The following DLG2 variants were observed in gnomAD, a reference collection of about 807,000 sequenced individuals.
The protein encoded by DLG2 is discs large MAGUK scaffold protein 2.
Under a neutral mutation model 132.5 loss-of-function variants are expected in DLG2, and 45 were observed. The ratio of observed to expected loss-of-function variants is 0.34; its 90% CI spans 0.27 to 0.44. The LOEUF (loss-of-function observed/expected upper bound fraction) is 0.44. Ranked by LOEUF, DLG2 falls within the 20% of genes least tolerant of loss-of-function variation. The probability of loss-of-function intolerance (pLI) is 1.00; values close to 1 mark genes in which losing one functional copy is unlikely to be tolerated. For synonymous variants in DLG2, 424 were observed against 419.6 expected, an observed-to-expected ratio of 1.01 and a Z score of -0.13; for missense variants, 1,045 against 1,196.9, an observed-to-expected ratio of 0.87 and a Z score of 1.87.
intron 3 of DLG2, among the ~76,000 whole-genome samples, chr11:85,404,815 C>T (rs2088559956): frequency 6.6e-6 from 1 of 151,942 alleles, no homozygotes; most frequent in Non-Finnish European, 1.5e-5. Context: ...TTAGTGGTCA[C>T]TTTACACATT....
chr11:83,475,274 G>C (rs1327491442), intron 22 of DLG2, among the ~76,000 whole-genome samples: 4 of 152,110 alleles, frequency 2.6e-5, no homozygotes, highest in Admixed American at 1.3e-4. Context: ...CAAAGGGAAA[G>C]AGAAAAAGCC....
At chr11:84,936,756 C>G (rs548521769) in intron 6 of DLG2, 1 of 152,030 alleles carries the variant, frequency 6.6e-6, no homozygotes. Flanking sequence ...GAAATGAGTG[C>G]GGAAAAGCAC....
chr11:85,019,194 C>A lies in DLG2; in HGVS notation c.357+92467G>T, dbSNP rs544361409. ...GAGACAGTTGATGAAAACCATACAT[C>A]CTTTTTATTGTTAAGTCATAAAGAG... is the stretch of plus-strand genomic sequence containing the variant. On this transcript the variant is annotated intron_variant, in intron 6 of 27. Coordinates refer to ENST00000376104, the MANE Select transcript of DLG2 (RefSeq NM_001142699.3). Among the ~76,000 whole-genome samples the A allele has an allele frequency of 7.9e-5, 12 of 152,248 alleles. No individual in the cohort carries two copies. In the South Asian group the frequency reaches 2.3e-3, roughly 29 times the overall value.
At chr11:85,287,193 T>C (rs2152763420) in intron 3 of DLG2, among the ~76,000 whole-genome samples, 1 of 152,162 alleles carries the variant, frequency 6.6e-6, no homozygotes, top group East Asian at 1.9e-4. Flanking sequence ...GTATCAATTA[T>C]GCATAAAATA....
At chr11:83,965,146 C>T (rs550353057) in intron 13 of DLG2, among the ~76,000 whole-genome samples, 178 bp downstream of exon 13, 1 of 152,112 alleles carries the variant, frequency 6.6e-6, no homozygotes, top group Non-Finnish European at 1.5e-5. Context: ...ATCTCATCTT[C>T]AAACAGGAGG....
rs1186822886 is a variant in DLG2, at chr11:84,928,958, A to ATGTGTG, written c.357+182697_357+182702dup. On this transcript the variant is annotated intron_variant, in intron 6 of 27. Transcript: ENST00000376104. ...TGCAATACTTATAATACTCTCTGAT[A>ATGTGTG]TGTGTGTGTGTGTGTGTGTGTGTGT... is the stretch of plus-strand genomic sequence containing the variant. 9.8e-3 allele frequency among the ~76,000 whole-genome samples: 519 copies of ATGTGTG among 52,806 alleles called. 29 individuals are homozygous for ATGTGTG. Among genetic ancestry groups the ATGTGTG allele is most frequent in the South Asian group, 0.02 (24 of 1,226 alleles). The allele number at this position is 52,806 out of a possible 152,430, so 34.6% of individuals were successfully genotyped here.
intron 3 of DLG2, among the ~76,000 whole-genome samples, chr11:85,396,480 A>G (rs2087382810): frequency 6.6e-6 from 1 of 152,156 alleles, no homozygotes. Context: ...AAACTTCTCC[A>G]AGCTAAAGGA....
At chr11:84,853,063 C>T (rs1334841960) in intron 6 of DLG2, among the ~76,000 whole-genome samples, 1 of 151,852 alleles carries the variant, frequency 6.6e-6, no homozygotes, top group South Asian at 2.1e-4. Flanking sequence ...CATGAGAATC[C>T]AGTAAAGAAG....
intron 11 of DLG2, among the ~76,000 whole-genome samples, chr11:83,997,079 C>G (rs957043981): frequency 6.7e-6 from 1 of 150,312 alleles, no homozygotes; most frequent in Non-Finnish European, 1.5e-5. Context: ...TCATGTACCC[C>G]GTAAATATAT....
At chr11:83,580,965 TTC>T (rs1305450281) in intron 19 of DLG2, among the ~76,000 whole-genome samples, 2 of 142,882 alleles carry the variant, frequency 1.4e-5, no homozygotes, top group East Asian at 2.3e-4. Flanking sequence ...CCCTACATTC[TTC>T]TCTCTCATCC....
At chr11:84,630,829 T>A (rs1243817535) in intron 6 of DLG2, among the ~76,000 whole-genome samples, 3 of 152,162 alleles carry the variant, frequency 2.0e-5, no homozygotes, top group Non-Finnish European at 2.9e-5. Context: ...AGCCTCACTG[T>A]TCACTTCAGC....
intron 3 of DLG2, among the ~76,000 whole-genome samples, chr11:85,560,611 C>G (rs929423279): frequency 3.3e-5 from 5 of 151,838 alleles, no homozygotes; most frequent in Non-Finnish European, 5.9e-5. Context: ...TGGGAATGCT[C>G]TAAAACCAGA....
intron 3 of DLG2, among the ~76,000 whole-genome samples, chr11:85,369,859 C>G (rs1211308691): frequency 6.6e-6 from 1 of 152,152 alleles, no homozygotes; most frequent in Non-Finnish European, 1.5e-5. Context: ...AAGAAAGGGT[C>G]TTGGATCAAG....
At chr11:85,380,793 T>C (rs1210722088) in intron 3 of DLG2, among the ~76,000 whole-genome samples, 3 of 152,190 alleles carry the variant, frequency 2.0e-5, no homozygotes, top group Non-Finnish European at 2.9e-5. Context: ...CTATTGAGGA[T>C]AATCCAAGGA....
chr11:85,312,962 A>C (rs2080410197), intron 3 of DLG2, among the ~76,000 whole-genome samples: 1 of 151,914 alleles, frequency 6.6e-6, no homozygotes, highest in Non-Finnish European at 1.5e-5. Context: ...GTAATCACCA[A>C]AACCCTTTTG....
At chr11:84,775,365 G>A (rs2070262027) in intron 6 of DLG2, among the ~76,000 whole-genome samples, 1 of 152,150 alleles carries the variant, frequency 6.6e-6, no homozygotes, top group South Asian at 2.1e-4. Flanking sequence ...AAGCAGTTAG[G>A]AGATGTCTGA....
chr11:83,962,171 A>G (rs940665738), intron 14 of DLG2, among the ~76,000 whole-genome samples: 4 of 152,070 alleles, frequency 2.6e-5, no homozygotes, highest in African/African-American at 9.7e-5. Flanking sequence ...TTAAGCACAC[A>G]TATGTATACA....
intron 7 of DLG2, among the ~76,000 whole-genome samples, chr11:84,399,775 A>C (rs566703672): frequency 2.6e-5 from 4 of 152,200 alleles, no homozygotes; most frequent in South Asian, 2.1e-4. Context: ...ACATTGGACT[A>C]TTTTTGTTTG....
chr11:85,146,445 G>T (rs2076864370), intron 5 of DLG2, among the ~76,000 whole-genome samples: 1 of 152,036 alleles, frequency 6.6e-6, no homozygotes, highest in Non-Finnish European at 1.5e-5. Flanking sequence ...TAGTCATCAG[G>T]TGGCATATTT....
Sources: allele counts gnomAD v4.1 joint callset (sites outside exome capture counted in the v4.1 genomes callset), GRCh38; gene constraint gnomAD v4.1.1; transcripts MANE v1.5; gene names NCBI Gene and HGNC (gene_info 2026-07-23, HGNC 2026-07-21).